ADD3: variants seen among roughly 807,000 people sequenced by gnomAD.
ADD3 encodes gamma-adducin.
A neutral mutation model predicts 80.2 loss-of-function variants in ADD3; 25 were observed. The observed-to-expected ratio is 0.31, with a 90% CI of 0.23 to 0.44. ADD3 has a LOEUF of 0.44. ADD3 is among the 20% of genes least tolerant of loss of function. ADD3 has a pLI of 1.00. For synonymous variants in ADD3, 284 were observed against 289.6 expected, an observed-to-expected ratio of 0.98 and a Z score of 0.20; for missense variants, 829 against 847.5, an observed-to-expected ratio of 0.98 and a Z score of 0.27.
chr10:110,106,139 CTTTTT>C (rs61018828), intron 2 of ADD3: 2 of 141,210 alleles, frequency 1.4e-5, no homozygotes, highest in Non-Finnish European at 3.1e-5. Context: ...AGTCTGTAAT[CTTTTT>C]TTTTTTTTTA....
chr10:110,018,754 A>G (rs1467969052), intron 1 of ADD3, among the ~76,000 whole-genome samples: 1 of 152,208 alleles, frequency 6.6e-6, no homozygotes, highest in African/African-American at 2.4e-5. Flanking sequence ...TAAGGCATTT[A>G]ACAGCTACAG....
intron 1 of ADD3, among the ~76,000 whole-genome samples, chr10:110,086,742 A>T (rs1846817384): frequency 6.6e-6 from 1 of 152,158 alleles, no homozygotes; most frequent in African/African-American, 2.4e-5. Context: ...CTTCCTGTAT[A>T]GCCTGTGGAA....
chr10:110,114,283 CAG>C (rs1211054898), intron 3 of ADD3, among the ~76,000 whole-genome samples: 1 of 152,176 alleles, frequency 6.6e-6, no homozygotes, highest in African/African-American at 2.4e-5. Flanking sequence ...AAAATTTTGT[CAG>C]AAATTATGCT....
chr10:110,090,884 A>G (rs1334888262), intron 1 of ADD3, among the ~76,000 whole-genome samples: 1 of 152,202 alleles, frequency 6.6e-6, no homozygotes, highest in East Asian at 1.9e-4. Context: ...TTTTAAACTA[A>G]GGCTCAGTCC....
intron 1 of ADD3, among the ~76,000 whole-genome samples, chr10:110,014,456 T>C (rs970072579): frequency 6.6e-6 from 1 of 152,228 alleles, no homozygotes; most frequent in Non-Finnish European, 1.5e-5. Flanking sequence ...GTATTCCTTA[T>C]TTCCACAGCC....
chr10:110,031,882 A>G (rs992905251), intron 1 of ADD3, among the ~76,000 whole-genome samples: 6 of 151,984 alleles, frequency 3.9e-5, no homozygotes, highest in African/African-American at 1.5e-4. Flanking sequence ...AATCAGTCTA[A>G]TTGACATATG....
intron 1 of ADD3, among the ~76,000 whole-genome samples, chr10:110,077,860 G>A (rs1034508920): frequency 1.3e-5 from 2 of 152,060 alleles, no homozygotes; most frequent in Non-Finnish European, 2.9e-5. Context: ...CCTTTGGAGT[G>A]TTTAATTATT....
At chr10:110,043,671 C>T (rs990645896) in intron 1 of ADD3, among the ~76,000 whole-genome samples, 1 of 152,264 alleles carries the variant, frequency 6.6e-6, no homozygotes, top group South Asian at 2.1e-4. Context: ...CAAATTATTG[C>T]ATCAGGGCTC....
intron 12 of ADD3, among the ~76,000 whole-genome samples, chr10:110,127,605 G>A (rs1261191650): frequency 2.0e-5 from 3 of 152,248 alleles, no homozygotes; most frequent in Non-Finnish European, 2.9e-5. Flanking sequence ...GACAGAGCGA[G>A]ACTCCGTCTC....
intron 8 of ADD3, chr10:110,121,799 T>C (rs1336581671): frequency 1.5e-5 from 3 of 203,196 alleles, no homozygotes; most frequent in Admixed American, 5.9e-5. Context: ...TGGATAACCC[T>C]GGGAAAACTT....
intron 1 of ADD3, among the ~76,000 whole-genome samples, chr10:110,027,758 T>A (rs1854484339): frequency 6.6e-6 from 1 of 152,196 alleles, no homozygotes; most frequent in African/African-American, 2.4e-5. Flanking sequence ...CCCTCTATAA[T>A]TGAAAGGAAA....
At chr10:110,004,685 G>T (rs562529204), upstream of ADD3, among the ~76,000 whole-genome samples, 1 of 151,968 alleles carries the variant, frequency 6.6e-6, no homozygotes, top group Non-Finnish European at 1.5e-5. Flanking sequence ...TTATTTACTT[G>T]TTCAAGATCA....
chr10:110,106,356 A>T (rs1390760835), intron 2 of ADD3, among the ~76,000 whole-genome samples: 4 of 151,440 alleles, frequency 2.6e-5, no homozygotes, highest in African/African-American at 4.9e-5. Flanking sequence ...AGGTTTTTTT[A>T]AAAAATCAAA....
At chr10:110,003,047 T>C (rs997957309), upstream of ADD3, among the ~76,000 whole-genome samples, 2 of 152,234 alleles carry the variant, frequency 1.3e-5, no homozygotes, top group Non-Finnish European at 2.9e-5. Flanking sequence ...GTATGCAGCA[T>C]GGCCAAGTTT....
intron 1 of ADD3, among the ~76,000 whole-genome samples, chr10:110,075,096 A>G (rs779917802): frequency 5.3e-5 from 8 of 152,226 alleles, no homozygotes; most frequent in African/African-American, 1.7e-4. Flanking sequence ...TAAAGGGACT[A>G]ACTACACATT....
chr10:110,115,337 C>T (rs1035084824), intron 3 of ADD3, among the ~76,000 whole-genome samples: 3 of 152,046 alleles, frequency 2.0e-5, no homozygotes, highest in South Asian at 4.2e-4. Flanking sequence ...TGCAGTGAGC[C>T]GAGATCGTAC....
chr10:110,133,922 A>C lies in ADD3; in HGVS notation c.*304A>C. The C allele has an allele frequency of 5.3e-6, 1 of 189,916 alleles. No homozygotes were observed. Among genetic ancestry groups the C allele is most frequent in the Non-Finnish European group, 1.1e-5 (1 of 93,488 alleles). 11.8% of individuals were successfully genotyped at this position (189,916 alleles called of 1,614,324 possible). On this transcript the variant is annotated 3_prime_UTR_variant, in exon 15 of 15. Transcript: ENST00000356080. ...AATTACTTCAGGCCTTCTCCATAAT[A>C]TCTGTTAGAAAGAAATTGCCAGTGA...
intron 1 of ADD3, among the ~76,000 whole-genome samples, chr10:110,012,982 C>CT (rs373409979): frequency 7.3e-5 from 11 of 149,668 alleles, no homozygotes; most frequent in East Asian, 3.9e-4. Flanking sequence ...GTTATGTTTA[C>CT]TTTTTTTTTT....
In ADD3 at chr10:110,065,539, C is replaced by CCTTTTTTTTTTTTTTT. The variant is rs1843806502; in HGVS notation, c.-29-35086_-29-35085insCTTTTTTTTTTTTTTT. On this transcript the variant is annotated intron_variant, in intron 1 of 14. Transcript: ENST00000356080. Reference sequence around the variant, plus strand: ...TTTTTTCTTAGCCTCTCTCTCTCCCCTTTTTTTTTTTTTTTTTTGAGAAAG... The same window carrying CCTTTTTTTTTTTTTTT: ...TTTTTTCTTAGCCTCTCTCTCTCCCCCTTTTTTTTTTTTTTTTTTTTTTTTTTTTTTTTTGAGAAAG... 6.7e-4 allele frequency among the ~76,000 whole-genome samples: 21 copies of CCTTTTTTTTTTTTTTT among 31,186 alleles called. 1 individual carries two copies. Among genetic ancestry groups the CCTTTTTTTTTTTTTTT allele is most frequent in the East Asian group, 6.7e-3 (5 of 744 alleles). 20.5% of individuals were successfully genotyped at this position (31,186 alleles called of 152,430 possible).
Sources: gnomAD v4.1 joint callset for allele counts (sites outside exome capture counted in the v4.1 genomes callset) on GRCh38, gnomAD v4.1.1 for gene constraint, MANE v1.5 for transcripts, NCBI Gene and HGNC (gene_info 2026-07-23, HGNC 2026-07-21) for gene names.